The following PRUNE2 variants were observed in gnomAD, a reference collection of about 807,000 sequenced individuals.
PRUNE2 encodes the protein prune homolog 2 with BCH domain.
A neutral mutation model predicts 252.0 loss-of-function variants in PRUNE2; 164 were observed. The ratio of observed to expected loss-of-function variants is 0.65; its 90% confidence interval spans 0.57 to 0.74. PRUNE2 has a LOEUF of 0.74. Ranked by LOEUF, PRUNE2 falls within the 30% of genes least tolerant of loss-of-function variation. The pLI, the probability that PRUNE2 is intolerant of heterozygous loss-of-function variation, is 0.00. For synonymous variants in PRUNE2, 1,292 were observed against 1,350.2 expected (o/e 0.96, Z 0.94); for missense variants, 3,495 against 3,711.0 (o/e 0.94, Z 1.51).
intron 6 of PRUNE2, among the ~76,000 whole-genome samples, chr9:76,793,958 A>C (rs572924156): frequency 6.6e-6 from 1 of 152,206 alleles, no homozygotes; most frequent in African/African-American, 2.4e-5. Context: ...TAAAGACATT[A>C]TGAACTTACC....
At chr9:76,735,130 T>A (rs1031608047) in intron 6 of PRUNE2, among the ~76,000 whole-genome samples, 1 of 152,186 alleles carries the variant, frequency 6.6e-6, no homozygotes, top group South Asian at 2.1e-4. Context: ...GATGGCACAC[T>A]TGGAGTTTGA....
At chr9:76,831,182 G>T (rs1389681388) in intron 4 of PRUNE2, among the ~76,000 whole-genome samples, 1 of 151,954 alleles carries the variant, frequency 6.6e-6, no homozygotes, top group Non-Finnish European at 1.5e-5. Flanking sequence ...GCCCACCTCG[G>T]CCTCCCAAAG....
chr9:76,639,934 A>G (rs1841846804), intron 12 of PRUNE2, among the ~76,000 whole-genome samples: 1 of 152,206 alleles, frequency 6.6e-6, no homozygotes, highest in Admixed American at 6.5e-5. Context: ...TAAGCTTTAT[A>G]TTCCCATAGT....
chr9:76,906,055 C>G lies in PRUNE2; in HGVS notation c.-92G>C. The G allele has an allele frequency of 7.2e-7, 1 of 1,397,636 alleles. No individual in the cohort carries two copies. Among genetic ancestry groups the G allele is most frequent in the Non-Finnish European group, 1.0e-6 (1 of 986,618 alleles). The allele number at this position is 1,397,636 out of a possible 1,614,324, so 86.6% of individuals were successfully genotyped here. On this transcript the variant is annotated 5_prime_UTR_variant, in exon 1 of 19. Coordinates refer to ENST00000376718, the MANE Select transcript of PRUNE2 (RefSeq NM_015225.3). ...GACGAGCGGGGTCCCGGGAAAGTGG[C>G]CCGCCGGGGCGCAGCGACCGACTGC...
chr9:76,711,156 G>A lies in PRUNE2; in HGVS notation c.1118C>T (p.Ala373Val). The A allele has an allele frequency of 6.2e-7, 1 of 1,613,952 alleles. No homozygotes were observed. Among genetic ancestry groups the A allele is most frequent in the Non-Finnish European group, 8.5e-7 (1 of 1,179,858 alleles). The change falls in exon 8 of 19, where the codon GCA becomes GTA. Residue 373 changes from alanine to valine, a missense_variant. Transcript: ENST00000376718. ...CCCCTGGGAGAGGGGGGCACTGCCTGCCACGGCTTCTGTTGAGGATGTCCG... is the reference window on the plus strand; with the variant it reads ...CCCCTGGGAGAGGGGGGCACTGCCTACCACGGCTTCTGTTGAGGATGTCCG... ...NSRTSSTEAV[A>V]GSAPLSQGSS...
At chr9:76,682,174 T>A (rs2043519039) in intron 9 of PRUNE2, among the ~76,000 whole-genome samples, 1 of 152,028 alleles carries the variant, frequency 6.6e-6, no homozygotes, top group Admixed American at 6.6e-5. Flanking sequence ...ATTTAGACTT[T>A]AAAAGAGGCT....
chr9:76,820,445 T>C (rs1041150061), intron 6 of PRUNE2, among the ~76,000 whole-genome samples: 5 of 152,186 alleles, frequency 3.3e-5, no homozygotes, highest in African/African-American at 1.2e-4. Context: ...TGGTTCCCTC[T>C]GAAGAGCATG....
chr9:76,821,188 T>C (rs1452130667), intron 6 of PRUNE2, among the ~76,000 whole-genome samples: 1 of 152,232 alleles, frequency 6.6e-6, no homozygotes, highest in African/African-American at 2.4e-5. Context: ...GTTATCATGA[T>C]GCACCTTGGT....
intron 18 of PRUNE2, chr9:76,614,994 A>C: frequency 1.8e-6 from 1 of 570,512 alleles, no homozygotes; most frequent in Non-Finnish European, 2.2e-6. Context: ...GCCTCAAGTA[A>C]GTAATGTCTG....
intron 4 of PRUNE2, among the ~76,000 whole-genome samples, chr9:76,834,769 G>T (rs753256850): frequency 6.6e-6 from 1 of 152,144 alleles, no homozygotes; most frequent in African/African-American, 2.4e-5. Flanking sequence ...TATTTTGACT[G>T]CACAAAAACA....
intron 1 of PRUNE2, among the ~76,000 whole-genome samples, chr9:76,879,898 T>TC (rs2061670722): frequency 1.1e-5 from 1 of 92,872 alleles, no homozygotes; most frequent in Non-Finnish European, 2.0e-5. Flanking sequence ...TATATATATA[T>TC]ATATATTTTT....
chr9:76,689,356 GATTTC>G (rs1369292587), intron 9 of PRUNE2, among the ~76,000 whole-genome samples: 1 of 152,030 alleles, frequency 6.6e-6, no homozygotes, highest in Non-Finnish European at 1.5e-5. Flanking sequence ...GCATGGACTA[GATTTC>G]TTTTCTTTTT....
chr9:76,852,554 G>A (rs1564440853), intron 2 of PRUNE2, among the ~76,000 whole-genome samples: 1 of 152,342 alleles, frequency 6.6e-6, no homozygotes, highest in East Asian at 1.9e-4. Flanking sequence ...CACGCATGAG[G>A]CAGAAAAGCT....
chr9:76,872,214 C>T lies in PRUNE2; in HGVS notation c.37-18006G>A, dbSNP rs113886034. The stretch of plus-strand genomic sequence containing the variant: ...ATCGTCACAGGCACATTCAAACCCT[C>T]CCCACCGCATCCCCTCCCTGAGCTC... On this transcript the variant is annotated intron_variant, in intron 1 of 18. Transcript: ENST00000376718. Among the ~76,000 whole-genome samples, 984 of 152,266 alleles carry T rather than the reference C, an allele frequency of 6.5e-3. 10 individuals carry two copies. Among genetic ancestry groups the T allele is most frequent in the African/African-American group, 0.022 (932 of 41,542 alleles).
At chr9:76,654,940 T>C (rs1018791658) in intron 10 of PRUNE2, among the ~76,000 whole-genome samples, 2 of 152,184 alleles carry the variant, frequency 1.3e-5, no homozygotes, top group Admixed American at 6.5e-5. Flanking sequence ...TAAGTTGCAA[T>C]TGAAAAATTA....
At chr9:76,623,026 G>A (rs932462386) in intron 17 of PRUNE2, among the ~76,000 whole-genome samples, 1 of 152,128 alleles carries the variant, frequency 6.6e-6, no homozygotes, top group Non-Finnish European at 1.5e-5. Context: ...ATGAGGAATT[G>A]GCATTTACAA....
At chr9:76,678,931 C>T (rs644893) in intron 9 of PRUNE2, among the ~76,000 whole-genome samples, 139,731 of 152,324 alleles carry the variant, frequency 0.92, 64,822 homozygotes, top group Non-Finnish European at 0.99. Context: ...TGGGCCTCTA[C>T]GGACAGCTAG....
intron 4 of PRUNE2, among the ~76,000 whole-genome samples, chr9:76,832,475 T>TA (rs1203545262): frequency 1.3e-5 from 2 of 152,170 alleles, no homozygotes; most frequent in African/African-American, 4.8e-5. Flanking sequence ...CACTTCTATA[T>TA]AACTCATGGT....
At chr9:76,870,068 G>C (rs944931702) in intron 1 of PRUNE2, among the ~76,000 whole-genome samples, 2 of 152,034 alleles carry the variant, frequency 1.3e-5, no homozygotes, top group East Asian at 1.9e-4. Context: ...AGAATATTTT[G>C]TTGCTTTACT....
Sources: allele counts gnomAD v4.1 joint callset (sites outside exome capture counted in the v4.1 genomes callset), GRCh38; gene constraint gnomAD v4.1.1; transcripts MANE v1.5; gene names NCBI Gene and HGNC (gene_info 2026-07-23, HGNC 2026-07-21).